Variants in SUN1 observed in about 807,000 individuals in gnomAD.
SUN1 encodes Sad1 and UNC84 domain containing 1.
Under a neutral mutation model 103.2 loss-of-function variants are expected in SUN1, and 61 were observed. The observed-to-expected ratio is 0.59, with a 90% CI of 0.48 to 0.73. SUN1 has a LOEUF of 0.73. SUN1 is among the 30% of genes least tolerant of loss of function. The pLI, the probability that SUN1 is intolerant of heterozygous loss-of-function variation, is 0.00. For missense variants in SUN1, 1,052 were observed against 1,034.6 expected, an observed-to-expected ratio of 1.02 and a Z score of -0.23; for synonymous variants, 490 against 425.7, an observed-to-expected ratio of 1.15 and a Z score of -1.86.
intron 12 of SUN1, among the ~76,000 whole-genome samples, chr7:857,542 C>A (rs960427957): frequency 6.6e-6 from 1 of 152,210 alleles, no homozygotes; most frequent in Non-Finnish European, 1.5e-5. Context: ...TCAGAGAGAG[C>A]TCTCACTCGC....
chr7:849,481 G>A (rs994077688), intron 5 of SUN1: 26 of 1,330,082 alleles, frequency 2.0e-5, no homozygotes, highest in African/African-American at 9.0e-5. Flanking sequence ...TGAGCTTGGC[G>A]TCGGTGAGTT....
chr7:852,568 T>G, intron 7 of SUN1, 41 bp from the exon 8 acceptor site: 1 of 1,613,474 alleles, frequency 6.2e-7, no homozygotes, highest in South Asian at 1.1e-5. Context: ...AACCCTGACT[T>G]TCATTTTTTC....
chr7:819,281 C>T (rs1043508663), intron 1 of SUN1, among the ~76,000 whole-genome samples: 1 of 150,426 alleles, frequency 6.6e-6, no homozygotes, highest in Non-Finnish European at 1.5e-5. Context: ...TTCTCCCAGT[C>T]TTTGGATTGT....
At chr7:824,542 G>C (rs781491767) in intron 1 of SUN1, among the ~76,000 whole-genome samples, 1 of 152,116 alleles carries the variant, frequency 6.6e-6, no homozygotes, top group African/African-American at 2.4e-5. Context: ...AAATAATTTG[G>C]CCTTGGGCTT....
Position 852,843 on chromosome 7 carries a change from T to C in SUN1, c.944T>C (p.Phe315Ser). ...GLSLRGQGNF[F>S]SFLPVLNWAS... ...TCCTTACGGGGCCAGGGCAATTTCT[T>C]TTCGTTCTTGCCCGTGTTGAACTGG... Residue 315 changes from phenylalanine (F) to serine (S), a missense_variant, in exon 9 of 19, where the codon TTT (phenylalanine) becomes TCT (serine). Phe to Ser is a radical substitution (Grantham distance 155). This residue lies in a region of SUN1 where 846 missense variants were observed against 774.5 expected (regional missense o/e 1.09). Coordinates refer to ENST00000401592, the MANE Select transcript of SUN1 (RefSeq NM_001130965.3). 1 of 1,613,692 alleles carries C rather than the reference T, an allele frequency of 6.2e-7. No individual in the cohort carries two copies. The highest frequency in any genetic ancestry group is 8.5e-7 in the Non-Finnish European group (1 of 1,179,714).
At chr7:873,065 T>A in intron 18 of SUN1, 150 bp from the exon 19 acceptor site, 1 of 752,656 alleles carries the variant, frequency 1.3e-6, no homozygotes, top group South Asian at 1.6e-5. Context: ...CCAGCCTGGG[T>A]GACAGGGCAA....
chr7:868,296 G>C (rs550943222), intron 16 of SUN1, among the ~76,000 whole-genome samples: 1 of 152,264 alleles, frequency 6.6e-6, no homozygotes, highest in East Asian at 1.9e-4. Context: ...ACGCTGTGCT[G>C]CGAACAGTGC....
intron 1 of SUN1, among the ~76,000 whole-genome samples, chr7:824,643 G>A (rs1230012895): frequency 6.6e-6 from 1 of 152,190 alleles, no homozygotes; most frequent in Non-Finnish European, 1.5e-5. Context: ...GGAGATGTGT[G>A]CACGTGATCA....
At chr7:825,707 T>TG in intron 1 of SUN1, among the ~76,000 whole-genome samples, 1 of 152,246 alleles carries the variant, frequency 6.6e-6, no homozygotes. Context: ...GGAGATGCAA[T>TG]GCCAATTCTT....
intron 7 of SUN1, chr7:852,305 T>C (rs1408636409): frequency 1.7e-6 from 1 of 596,128 alleles, no homozygotes; most frequent in Non-Finnish European, 2.9e-6. Flanking sequence ...AGGTCCAGGC[T>C]TCTGCCCTGC....
At chr7:828,848 C>T (rs1468467210), upstream of SUN1, among the ~76,000 whole-genome samples, 1 of 152,234 alleles carries the variant, frequency 6.6e-6, no homozygotes, top group African/African-American at 2.4e-5. Flanking sequence ...CCACAGTCCC[C>T]TCTGTGCACA....
chr7:848,891 T>C (rs1251242349), intron 5 of SUN1, among the ~76,000 whole-genome samples: 1 of 152,244 alleles, frequency 6.6e-6, no homozygotes, highest in Non-Finnish European at 1.5e-5. Flanking sequence ...CAACTTTTGA[T>C]TTTTATTACC....
intron 15 of SUN1, among the ~76,000 whole-genome samples, chr7:862,944 G>A (rs192609894): frequency 9.8e-4 from 149 of 152,268 alleles, no homozygotes; most frequent in African/African-American, 3.2e-3. Flanking sequence ...AAGGTCAGGA[G>A]ATCCTGGCTG....
At chr7:842,240 T>C (rs1283050680) in intron 3 of SUN1, 110 bp downstream of exon 3, 2 of 1,206,680 alleles carry the variant, frequency 1.7e-6, no homozygotes, top group Non-Finnish European at 2.3e-6. Context: ...TGGATTATGC[T>C]AGGGAGAGGG....
chr7:857,790 A>C (rs200882037), intron 12 of SUN1, 38 bp from the exon 13 acceptor site: 1 of 1,529,540 alleles, frequency 6.5e-7, no homozygotes, highest in African/African-American at 1.4e-5. Flanking sequence ...ATAGGCTGGG[A>C]GGCTTGTGTG....
upstream of SUN1, chr7:816,598 G>A (rs757703399): frequency 2.8e-5 from 11 of 397,890 alleles, no homozygotes; most frequent in South Asian, 1.7e-4. Flanking sequence ...CGCGGCCCGC[G>A]ATTGGCTGGC....
intron 1 of SUN1, among the ~76,000 whole-genome samples, chr7:835,461 T>A (rs1802148555): frequency 3.3e-5 from 5 of 152,262 alleles, no homozygotes; most frequent in Admixed American, 3.3e-4. Context: ...TGTTCCAATA[T>A]CCCAGATCCT....
chr7:870,678 C>T (rs752593958), intron 17 of SUN1, among the ~76,000 whole-genome samples: 75 of 146,980 alleles, frequency 5.1e-4, no homozygotes, highest in Non-Finnish European at 9.6e-4. Flanking sequence ...TAGCATCAAT[C>T]CCCCGTGTTT....
chr7:845,459 G>A (rs547509074), intron 5 of SUN1, among the ~76,000 whole-genome samples: 1 of 152,080 alleles, frequency 6.6e-6, no homozygotes, highest in East Asian at 1.9e-4. Context: ...CCCTGTATTA[G>A]AGTAAAACAT....
Sources: gnomAD v4.1 joint callset for allele counts (sites outside exome capture counted in the v4.1 genomes callset) on GRCh38, gnomAD v4.1.1 for gene constraint, gnomAD v4.1.1 regional missense constraint, MANE v1.5 for transcripts, NCBI Gene and HGNC (gene_info 2026-07-23, HGNC 2026-07-21) for gene names.